Variants in ANO2 observed in about 807,000 individuals in gnomAD.
The protein encoded by ANO2 is anoctamin-2.
Under a neutral mutation model 124.2 loss-of-function variants are expected in ANO2, and 101 were observed. That is an observed-to-expected ratio of 0.81 (90% confidence interval 0.69 to 0.96). ANO2 has a LOEUF of 0.96. ANO2 is among the 40% of genes least tolerant of loss of function. The pLI, the probability that ANO2 is intolerant of heterozygous loss-of-function variation, is 0.00. For missense variants in ANO2, 1,293 were observed against 1,274.5 expected (o/e 1.01, Z -0.22); for synonymous variants, 486 against 482.5 (o/e 1.01, Z -0.09).
intron 4 of ANO2, chr12:5,852,056 A>T: frequency 1.4e-6 from 1 of 702,440 alleles, no homozygotes; most frequent in Non-Finnish European, 2.6e-6. Context: ...AACCAGAGAG[A>T]AAGGAGAATA....
At chr12:5,567,642 C>T (rs1941848231) in intron 23 of ANO2, among the ~76,000 whole-genome samples, 1 of 152,216 alleles carries the variant, frequency 6.6e-6, no homozygotes, top group Non-Finnish European at 1.5e-5. Flanking sequence ...GTATGCGAGC[C>T]ACTGCTCACC....
chr12:5,910,363 G>A lies in ANO2; in HGVS notation c.534+10677C>T, dbSNP rs147320597. On this transcript the variant is annotated intron_variant, in intron 3 of 24. Transcript: ENST00000682330. ...CTGGCTAATTTTTGTATTTTTAGTAGAGACAGGGTTTCACCATGTTGGCCA... is the reference window on the plus strand; with the variant it reads ...CTGGCTAATTTTTGTATTTTTAGTAAAGACAGGGTTTCACCATGTTGGCCA... Among the ~76,000 whole-genome samples, 1,145 of 152,168 alleles carry A rather than the reference G, an allele frequency of 7.5e-3. 14 individuals carry two copies. Among genetic ancestry groups the A allele is most frequent in the African/African-American group, 0.026 (1,081 of 41,486 alleles).
At chr12:5,942,976 A>G (rs997005844) in intron 1 of ANO2, among the ~76,000 whole-genome samples, 8 of 152,198 alleles carry the variant, frequency 5.3e-5, no homozygotes, top group African/African-American at 1.7e-4. Flanking sequence ...AGATGTCGGC[A>G]TGGATGTGAT....
chr12:5,638,384 T>C (rs112291187), intron 15 of ANO2, among the ~76,000 whole-genome samples: 44,831 of 134,008 alleles, frequency 0.33, 8,510 homozygotes, highest in East Asian at 0.62. Context: ...TACAGGCACC[T>C]GCCACCACTC....
chr12:5,697,909 G>A (rs536315576), intron 14 of ANO2, among the ~76,000 whole-genome samples: 1 of 152,348 alleles, frequency 6.6e-6, no homozygotes, highest in South Asian at 2.1e-4. Context: ...GGCTGGGGGA[G>A]GGGCCCCCAC....
At chr12:5,868,723 A>T (rs969065732) in intron 3 of ANO2, among the ~76,000 whole-genome samples, 2 of 152,172 alleles carry the variant, frequency 1.3e-5, no homozygotes, top group African/African-American at 4.8e-5. Context: ...CAGCCCAAAC[A>T]TGCTTTTCCA....
chr12:5,894,630 C>T lies in ANO2; in HGVS notation c.534+26410G>A, dbSNP rs143478539. 3.5e-4 allele frequency among the ~76,000 whole-genome samples: 54 copies of T among 152,210 alleles called. No homozygotes were observed. The East Asian group carries it at 9.6e-3, about 27-fold the overall frequency. On this transcript the variant is annotated intron_variant, in intron 3 of 24. Coordinates refer to ENST00000682330, the MANE Select transcript of ANO2 (RefSeq NM_001364791.2). ...AGGGTTTTTATAGTTTTAGATCTTA[C>T]GTTTAAGTCTTTAGTCCATCTTGAG...
At chr12:5,597,230 C>G (rs1031505818) in intron 20 of ANO2, among the ~76,000 whole-genome samples, 2 of 152,094 alleles carry the variant, frequency 1.3e-5, no homozygotes, top group Admixed American at 1.3e-4. Flanking sequence ...AGTTCTTTTT[C>G]CTGATCCTCT....
Position 5,757,968 on chromosome 12 carries a change from C to T in ANO2, c.1056-6998G>A, listed in dbSNP as rs116527169. Among the ~76,000 whole-genome samples, 452 of 152,226 alleles carry T rather than the reference C, an allele frequency of 3.0e-3. 3 individuals are homozygous for T. Among genetic ancestry groups the T allele is most frequent in the African/African-American group, 0.01 (424 of 41,538 alleles). ...TTATGCACAAGGTCATTTCCATAGA[C>T]CTCATAAGGAAGATAATGGGTAAGG... On this transcript the variant is annotated intron_variant, in intron 10 of 24. Transcript: ENST00000682330.
chr12:5,563,949 G>T (rs1477810589), intron 24 of ANO2, among the ~76,000 whole-genome samples: 3 of 152,156 alleles, frequency 2.0e-5, no homozygotes, highest in East Asian at 3.9e-4. Flanking sequence ...GGCCCTCCCT[G>T]CTTTAGAAAA....
intron 1 of ANO2, among the ~76,000 whole-genome samples, chr12:5,935,486 TCTC>T (rs1295150105): frequency 6.6e-6 from 1 of 152,160 alleles, no homozygotes; most frequent in Non-Finnish European, 1.5e-5. Flanking sequence ...TCTCATAACT[TCTC>T]CTCCACCAGG....
At chr12:5,773,809 A>G (rs1160879247) in intron 10 of ANO2, among the ~76,000 whole-genome samples, 1 of 151,780 alleles carries the variant, frequency 6.6e-6, no homozygotes, top group Non-Finnish European at 1.5e-5. Flanking sequence ...AACCCCTCAC[A>G]CTCCCTTGGT....
intron 3 of ANO2, 106 bp from the exon 4 acceptor site, chr12:5,854,247 G>T: frequency 9.8e-7 from 1 of 1,019,620 alleles, no homozygotes. Flanking sequence ...TTGTTCTTCA[G>T]TTTCTCGTTT....
At chr12:5,838,009 A>T (rs1379397487) in intron 4 of ANO2, among the ~76,000 whole-genome samples, 1 of 152,148 alleles carries the variant, frequency 6.6e-6, no homozygotes, top group Admixed American at 6.5e-5. Context: ...AAATAGACGC[A>T]ATAAAAAATG....
At chr12:5,614,488 T>C (rs1429510407) in intron 17 of ANO2, among the ~76,000 whole-genome samples, 3 of 152,204 alleles carry the variant, frequency 2.0e-5, no homozygotes, top group Non-Finnish European at 2.9e-5. Context: ...AAATGACTGA[T>C]AGAATCACAA....
intron 14 of ANO2, among the ~76,000 whole-genome samples, chr12:5,720,983 T>C (rs1344456045): frequency 2.0e-5 from 3 of 152,218 alleles, no homozygotes. Flanking sequence ...CTACTTGGGA[T>C]GCGTAATTCA....
At chr12:5,568,459 T>C (rs1941913138) in intron 23 of ANO2, among the ~76,000 whole-genome samples, 1 of 152,226 alleles carries the variant, frequency 6.6e-6, no homozygotes, top group Non-Finnish European at 1.5e-5. Context: ...AATTCACTAA[T>C]GAACCATGAC....
intron 14 of ANO2, among the ~76,000 whole-genome samples, chr12:5,720,215 C>T (rs1950171095): frequency 6.6e-6 from 1 of 152,160 alleles, no homozygotes; most frequent in Non-Finnish European, 1.5e-5. Context: ...CGCATAGTCT[C>T]AAAGCCTCTG....
rs947848378 is a variant in ANO2 at position 5,922,600 on chromosome 12, C to G, written c.207+20G>C. ...ACAGGGCTGGCCTATCCCCCCACCCCACCCCCGCCCAGTACTCACAGAGCT... is the reference window on the plus strand; with the variant it reads ...ACAGGGCTGGCCTATCCCCCCACCCGACCCCCGCCCAGTACTCACAGAGCT... On this transcript the variant is annotated intron_variant, in intron 2 of 24. Coordinates refer to ENST00000682330, the MANE Select transcript of ANO2 (RefSeq NM_001364791.2). 1 of 1,509,298 alleles carries G rather than the reference C, an allele frequency of 6.6e-7. No homozygotes were observed. The highest frequency in any genetic ancestry group is 8.8e-7 in the Non-Finnish European group (1 of 1,129,998). 93.5% of individuals were successfully genotyped at this position (1,509,298 alleles called of 1,614,324 possible). A position where few individuals can be genotyped will look rare whatever the true frequency, so the allele number is the denominator to read the frequency against.
Sources: gnomAD v4.1 joint callset for allele counts (sites outside exome capture counted in the v4.1 genomes callset) on GRCh38, gnomAD v4.1.1 for gene constraint, MANE v1.5 for transcripts, NCBI Gene and HGNC (gene_info 2026-07-23, HGNC 2026-07-21) for gene names.